Variants in ARHGAP15 observed in about 807,000 individuals in gnomAD.
ARHGAP15 encodes the protein rho GTPase-activating protein 15.
A neutral mutation model predicts 63.7 loss-of-function variants in ARHGAP15; 51 were observed. That is an observed-to-expected ratio of 0.80 (90% confidence interval 0.64 to 1.01). The LOEUF (loss-of-function observed/expected upper bound fraction) is 1.01, where lower values mean the gene tolerates loss of function less well. ARHGAP15 is among the 50% of genes least tolerant of loss of function. The pLI is 0.00. For missense variants in ARHGAP15, 560 were observed against 564.6 expected (o/e 0.99, Z 0.08); for synonymous variants, 191 against 193.8 (o/e 0.99, Z 0.12).
chr2:143,283,329 C>A (rs1207550029), intron 6 of ARHGAP15, among the ~76,000 whole-genome samples: 2 of 151,144 alleles, frequency 1.3e-5, no homozygotes, highest in East Asian at 3.8e-4. Context: ...AAGTAAGGAA[C>A]TCTCTCCTCA....
intron 6 of ARHGAP15, among the ~76,000 whole-genome samples, chr2:143,268,355 T>G (rs1465535333): frequency 6.6e-6 from 1 of 151,998 alleles, no homozygotes; most frequent in Admixed American, 6.5e-5. Flanking sequence ...CTTGAAAAAT[T>G]TACACCTTCT....
chr2:143,455,875 A>T (rs60896147), intron 8 of ARHGAP15, among the ~76,000 whole-genome samples: 11,204 of 151,972 alleles, frequency 0.074, 603 homozygotes, highest in East Asian at 0.21. Context: ...GTCTTTTTTT[A>T]AAATCCCAAA....
intron 13 of ARHGAP15, among the ~76,000 whole-genome samples, chr2:143,753,328 C>A (rs1157304921): frequency 6.6e-6 from 1 of 152,130 alleles, no homozygotes; most frequent in Non-Finnish European, 1.5e-5. Flanking sequence ...AGCAAAGCAG[C>A]CACCATAATT....
chr2:143,370,886 T>C (rs906680123), intron 6 of ARHGAP15, among the ~76,000 whole-genome samples: 2 of 152,218 alleles, frequency 1.3e-5, no homozygotes, highest in Non-Finnish European at 2.9e-5. Context: ...TTTTTTTCCA[T>C]GTTTCAAATG....
chr2:143,268,710 T>A (rs1201445790), intron 6 of ARHGAP15, among the ~76,000 whole-genome samples: 1 of 152,150 alleles, frequency 6.6e-6, no homozygotes, highest in African/African-American at 2.4e-5. Flanking sequence ...GTTAGATCTA[T>A]GTATGAATAT....
At chr2:143,396,703 T>C (rs1053787969) in intron 6 of ARHGAP15, among the ~76,000 whole-genome samples, 1 of 151,550 alleles carries the variant, frequency 6.6e-6, no homozygotes, top group African/African-American at 2.4e-5. Context: ...TCCTAGGAAA[T>C]AACTATCCAT....
At chr2:143,162,761 A>C (rs766547369) in intron 2 of ARHGAP15, among the ~76,000 whole-genome samples, 1 of 152,052 alleles carries the variant, frequency 6.6e-6, no homozygotes, top group Non-Finnish European at 1.5e-5. Context: ...CAATATTATT[A>C]AGAGAGGTTT....
In ARHGAP15 at chr2:143,159,988, T is replaced by G. The variant is rs552268053; in HGVS notation, c.165+4333T>G. Reference sequence around the variant, plus strand: ...AAAAACATAGATACAGACAATTATTTTCTCGTAGCGAGTGGCTGATCTTTT... The same window carrying G: ...AAAAACATAGATACAGACAATTATTGTCTCGTAGCGAGTGGCTGATCTTTT... On this transcript the variant is annotated intron_variant, in intron 2 of 13. Transcript: ENST00000295095. 2.0e-3 allele frequency among the ~76,000 whole-genome samples: 307 copies of G among 152,068 alleles called. 4 individuals are homozygous for G. The highest frequency in any genetic ancestry group is 5.0e-3 in the South Asian group (24 of 4,832).
intron 8 of ARHGAP15, among the ~76,000 whole-genome samples, chr2:143,486,077 C>G (rs1388138287): frequency 6.6e-6 from 1 of 152,128 alleles, no homozygotes; most frequent in Non-Finnish European, 1.5e-5. Context: ...AATTCCCTTT[C>G]TTTGCCAGTT....
intron 1 of ARHGAP15, among the ~76,000 whole-genome samples, chr2:143,147,939 T>C (rs1361025953): frequency 1.3e-5 from 2 of 152,066 alleles, no homozygotes; most frequent in African/African-American, 4.8e-5. Context: ...GGATTCTTAC[T>C]TGTGGATTTC....
At chr2:143,386,925 G>A (rs1326995492) in intron 6 of ARHGAP15, among the ~76,000 whole-genome samples, 1 of 151,914 alleles carries the variant, frequency 6.6e-6, no homozygotes, top group East Asian at 1.9e-4. Context: ...AATACTGCAT[G>A]TTCTCACTTT....
chr2:143,326,334 C>G (rs1263854442), intron 6 of ARHGAP15, among the ~76,000 whole-genome samples: 3 of 152,076 alleles, frequency 2.0e-5, no homozygotes, highest in African/African-American at 4.8e-5. Flanking sequence ...GCTTTTACTC[C>G]TTTTGTTCTA....
chr2:143,498,075 G>A (rs1692897624), intron 9 of ARHGAP15, among the ~76,000 whole-genome samples: 1 of 152,110 alleles, frequency 6.6e-6, no homozygotes, highest in African/African-American at 2.4e-5. Flanking sequence ...ATTTCCTTTA[G>A]CATCACTGAC....
At chr2:143,181,743 A>G (rs1457100276) in intron 2 of ARHGAP15, among the ~76,000 whole-genome samples, 1 of 152,234 alleles carries the variant, frequency 6.6e-6, no homozygotes, top group East Asian at 1.9e-4. Context: ...TCTTCTATCC[A>G]GACCACTCAA....
At chr2:143,388,749 CTT>C (rs1012176593) in intron 6 of ARHGAP15, among the ~76,000 whole-genome samples, 25 of 152,116 alleles carry the variant, frequency 1.6e-4, no homozygotes, top group African/African-American at 5.8e-4. Context: ...TTAAATCTAA[CTT>C]ATATATTCCA....
At chr2:143,703,546 A>C (rs1684189260) in intron 13 of ARHGAP15, 22 bp downstream of exon 13, 1 of 1,561,982 alleles carries the variant, frequency 6.4e-7, no homozygotes, top group African/African-American at 1.4e-5. Context: ...GGATTTCTGG[A>C]TGTGTCATTT....
At chr2:143,708,251 A>T (rs1006688984) in intron 13 of ARHGAP15, among the ~76,000 whole-genome samples, 3 of 152,218 alleles carry the variant, frequency 2.0e-5, no homozygotes, top group African/African-American at 7.2e-5. Context: ...GCACCTAAGT[A>T]TTAAATAAAC....
rs183258464 is a variant in ARHGAP15, at chr2:143,151,568, A to T, written c.-14-3909A>T. Among the ~76,000 whole-genome samples, 16 of 152,088 alleles carry T rather than the reference A, an allele frequency of 1.1e-4. No homozygotes were observed. The East Asian group carries it at 3.1e-3, about 30-fold the overall frequency. On this transcript the variant is annotated intron_variant, in intron 1 of 13. Coordinates refer to ENST00000295095, the MANE Select transcript of ARHGAP15 (RefSeq NM_018460.4). ...GTCTAATCATACCCCTCCCATATAC[A>T]TCTAAGTGATTCAGAGGTAAGAAAG...
chr2:143,398,681 T>A (rs895269014), intron 6 of ARHGAP15, among the ~76,000 whole-genome samples: 1 of 152,124 alleles, frequency 6.6e-6, no homozygotes, highest in Non-Finnish European at 1.5e-5. Flanking sequence ...TTGCAATGTT[T>A]AATGAGAAGC....
Sources: gnomAD v4.1 joint callset for allele counts (sites outside exome capture counted in the v4.1 genomes callset) on GRCh38, gnomAD v4.1.1 for gene constraint, MANE v1.5 for transcripts, NCBI Gene and HGNC (gene_info 2026-07-23, HGNC 2026-07-21) for gene names.